PRTG: variants seen among roughly 807,000 people sequenced by gnomAD.
PRTG encodes immunoglobulin superfamily, DCC subclass, member 5.
PRTG carries 67 observed loss-of-function variants against 122.5 expected under a neutral mutation model. That is an observed-to-expected ratio of 0.55 (90% CI 0.45 to 0.67). PRTG has a LOEUF of 0.67. Among genes scored for constraint, PRTG ranks in the 30% least tolerant of loss-of-function variants. PRTG has a pLI of 0.00. For missense variants in PRTG, 1,435 were observed against 1,415.4 expected, an observed-to-expected ratio of 1.01 and a Z score of -0.22; for synonymous variants, 554 against 501.1, an observed-to-expected ratio of 1.11 and a Z score of -1.41.
intron 2 of PRTG, among the ~76,000 whole-genome samples, chr15:55,709,501 T>C (rs74401512): frequency 0.01 from 1,591 of 151,886 alleles, 20 homozygotes; most frequent in East Asian, 0.012. Context: ...ATATATTTAT[T>C]ATCCAAACCA....
intron 10 of PRTG, 44 bp downstream of exon 10, chr15:55,673,327 A>G: frequency 7.2e-7 from 1 of 1,390,824 alleles, no homozygotes; most frequent in Non-Finnish European, 9.8e-7. Context: ...ACTTGATTCA[A>G]AAGTAAAAAT....
At chr15:55,719,024 C>T (rs1165758883) in intron 2 of PRTG, among the ~76,000 whole-genome samples, 2 of 152,088 alleles carry the variant, frequency 1.3e-5, no homozygotes, top group African/African-American at 4.8e-5. Context: ...GGATTACAGG[C>T]ATGAGCCACC....
chr15:55,731,811 AT>A (rs2031243497), intron 2 of PRTG, among the ~76,000 whole-genome samples: 1 of 152,376 alleles, frequency 6.6e-6, no homozygotes, highest in African/African-American at 2.4e-5. Flanking sequence ...AAACACTGGA[AT>A]ATACTACTAA....
At chr15:55,668,594 T>C (rs1384438034) in intron 11 of PRTG, among the ~76,000 whole-genome samples, 1 of 152,182 alleles carries the variant, frequency 6.6e-6, no homozygotes, top group Admixed American at 6.5e-5. Flanking sequence ...ACCACAAAGA[T>C]ACAAAGTCTC....
rs1209311643 is a variant in PRTG at position 55,620,032 on chromosome 15, T to G, written c.3433A>C (p.Thr1145Pro). 6.2e-7 allele frequency: 1 copy of G among 1,614,124 alleles called. No homozygotes were observed. Among genetic ancestry groups the G allele is most frequent in the South Asian group, 1.1e-5 (1 of 91,072 alleles). Reference protein sequence around the residue: ...DEIHLSSVISTTPPNL With the variant: ...DEIHLSSVISPTPPNL Reference sequence around the variant, plus strand: ...AAGAATCAGAGGTTGGGGGGTGTGGTACTTATAACTGAGGACAGATGTATC... The same window carrying G: ...AAGAATCAGAGGTTGGGGGGTGTGGGACTTATAACTGAGGACAGATGTATC... Residue 1145 changes from threonine to proline, a missense_variant, in exon 20 of 20, where the codon ACC (threonine) becomes CCC (proline). Transcript: ENST00000389286.
intron 7 of PRTG, among the ~76,000 whole-genome samples, chr15:55,678,265 G>A (rs979388304): frequency 2.6e-5 from 4 of 151,994 alleles, no homozygotes; most frequent in Non-Finnish European, 4.4e-5. Flanking sequence ...TTAAAGAGAC[G>A]GGGTCTCACT....
At chr15:55,620,902 G>A in intron 18 of PRTG, 135 bp from the exon 19 acceptor site, 1 of 776,782 alleles carries the variant, frequency 1.3e-6, no homozygotes, top group Non-Finnish European at 2.0e-6. Flanking sequence ...TTAGATTCAG[G>A]GAGTACATGT....
rs1432841003 is a variant in PRTG at position 55,620,050 on chromosome 15, G to C, written c.3415C>G (p.Leu1139Val). ...FSHESNDEIH[L>V]SSVISTTPPN... ...GGTGTGGTACTTATAACTGAGGACA[G>C]ATGTATCTCATCGTTGGACTCATGA... Residue 1139 changes from leucine (L) to valine (V), a missense_variant, in exon 20 of 20, where the codon CTG becomes GTG. Transcript: ENST00000389286. 6.2e-7 allele frequency: 1 copy of C among 1,614,172 alleles called. No homozygotes were observed. The highest frequency in any genetic ancestry group is 8.5e-7 in the Non-Finnish European group (1 of 1,180,034).
In PRTG at chr15:55,678,052, A is replaced by T. The variant is rs758271612; in HGVS notation, c.1134-8T>A. 1.3e-6 allele frequency: 2 copies of T among 1,531,350 alleles called. No homozygotes were observed. Among genetic ancestry groups the T allele is most frequent in the Admixed American group, 1.8e-5 (1 of 56,512 alleles). 94.9% of individuals were successfully genotyped at this position (1,531,350 alleles called of 1,614,324 possible). The stretch of plus-strand genomic sequence containing the variant: ...TGGTTAATTACCAATTTACTAGGGA[A>T]AGAAAAAAAATTATTTCCATGAAAA... On this transcript the variant is annotated splice_region_variant and splice_polypyrimidine_tract_variant and intron_variant, in intron 7 of 19. Transcript: ENST00000389286.
chr15:55,638,905 C>T (rs2059273350), intron 13 of PRTG, among the ~76,000 whole-genome samples: 1 of 152,132 alleles, frequency 6.6e-6, no homozygotes, highest in Admixed American at 6.6e-5. Flanking sequence ...TGACAGTAAA[C>T]TCGAAATGTC....
chr15:55,741,025 G>T (rs2031590598), intron 1 of PRTG, among the ~76,000 whole-genome samples: 4 of 152,156 alleles, frequency 2.6e-5, no homozygotes, highest in Admixed American at 6.5e-5. Context: ...TTGTCAAAAA[G>T]ATCTTGAACA....
At chr15:55,666,957 A>C (rs2059442475) in intron 11 of PRTG, among the ~76,000 whole-genome samples, 1 of 152,150 alleles carries the variant, frequency 6.6e-6, no homozygotes, top group Non-Finnish European at 1.5e-5. Flanking sequence ...CAGACAAGAA[A>C]CTTATTTGAC....
chr15:55,701,147 C>G (rs2059661092), intron 2 of PRTG, among the ~76,000 whole-genome samples: 1 of 152,184 alleles, frequency 6.6e-6, no homozygotes, highest in Non-Finnish European at 1.5e-5. Flanking sequence ...TATGGAGTAC[C>G]TGGAACTCTG....
At chr15:55,728,131 G>A (rs1459058411) in intron 2 of PRTG, among the ~76,000 whole-genome samples, 1 of 152,078 alleles carries the variant, frequency 6.6e-6, no homozygotes, top group Non-Finnish European at 1.5e-5. Context: ...CTCCCAAAGT[G>A]CTAGAATTAC....
intron 11 of PRTG, among the ~76,000 whole-genome samples, chr15:55,670,848 T>C (rs1433536243): frequency 6.6e-6 from 1 of 150,650 alleles, no homozygotes; most frequent in East Asian, 2.0e-4. Flanking sequence ...TGCGGTGAGC[T>C]GAGATTGTGC....
intron 2 of PRTG, among the ~76,000 whole-genome samples, chr15:55,734,952 C>T (rs572966496): frequency 6.6e-6 from 1 of 152,296 alleles, no homozygotes; most frequent in Non-Finnish European, 1.5e-5. Flanking sequence ...TTACTGTGAG[C>T]TTGCTCTGCT....
intron 2 of PRTG, among the ~76,000 whole-genome samples, chr15:55,725,967 CAG>C (rs1363733923): frequency 2.0e-5 from 3 of 151,870 alleles, no homozygotes; most frequent in Admixed American, 6.6e-5. Flanking sequence ...GTTTTTGAGA[CAG>C]AGTCTCACTC....
chr15:55,621,357 A>T lies in PRTG; in HGVS notation c.3094-590T>A, dbSNP rs144103797. On this transcript the variant is annotated intron_variant, in intron 18 of 19. Coordinates refer to ENST00000389286, the MANE Select transcript of PRTG (RefSeq NM_173814.6). ...CAGAGCAAGGCTCCGTCTCAAAAAA[A>T]ACAAAACAAAACAAAATAGGCCAGG... Among the ~76,000 whole-genome samples, 5 of 151,774 alleles carry T rather than the reference A, an allele frequency of 3.3e-5. No homozygotes were observed. The East Asian group carries it at 9.7e-4, about 29-fold the overall frequency.
At chr15:55,631,063 CAG>C (rs1323913745) in intron 15 of PRTG, among the ~76,000 whole-genome samples, 1 of 152,146 alleles carries the variant, frequency 6.6e-6, no homozygotes, top group Non-Finnish European at 1.5e-5. Flanking sequence ...GCCAAACCTC[CAG>C]CAGCGATGCC....
Sources: allele counts gnomAD v4.1 joint callset (sites outside exome capture counted in the v4.1 genomes callset), GRCh38; gene constraint gnomAD v4.1.1; transcripts MANE v1.5; gene names NCBI Gene and HGNC (gene_info 2026-07-23, HGNC 2026-07-21).